The following MBOAT2 variants were observed in gnomAD, a reference collection of about 807,000 sequenced individuals.
MBOAT2 encodes the protein membrane-bound glycerophospholipid O-acyltransferase 2.
A neutral mutation model predicts 63.4 loss-of-function variants in MBOAT2; 28 were observed. That is an observed-to-expected ratio of 0.44 (90% confidence interval 0.33 to 0.61). MBOAT2 has a LOEUF of 0.61. MBOAT2 is among the 20% of genes least tolerant of loss of function. The pLI is 0.03. For missense variants in MBOAT2, 470 were observed against 605.8 expected (o/e 0.78, Z 2.35); for synonymous variants, 211 against 215.6 (o/e 0.98, Z 0.19).
At chr2:8,991,192 A>G (rs924834418) in intron 1 of MBOAT2, among the ~76,000 whole-genome samples, 4 of 152,192 alleles carry the variant, frequency 2.6e-5, no homozygotes, top group Non-Finnish European at 4.4e-5. Context: ...AAAAATCAAT[A>G]TACACTTTCT....
At chr2:8,937,936 T>A (rs1667778481) in intron 3 of MBOAT2, among the ~76,000 whole-genome samples, 1 of 152,024 alleles carries the variant, frequency 6.6e-6, no homozygotes, top group African/African-American at 2.4e-5. Flanking sequence ...ACAAGCAAGA[T>A]CACGTCAAAC....
At chr2:8,981,715 A>C (rs950640460) in intron 1 of MBOAT2, among the ~76,000 whole-genome samples, 5 of 152,150 alleles carry the variant, frequency 3.3e-5, no homozygotes, top group Non-Finnish European at 7.4e-5. Context: ...AGGGAGACAG[A>C]GATGAAGAAC....
intron 2 of MBOAT2, among the ~76,000 whole-genome samples, chr2:8,951,987 G>A (rs567316115): frequency 3.3e-5 from 5 of 152,128 alleles, no homozygotes; most frequent in African/African-American, 1.2e-4. Flanking sequence ...GTTTGTTCTC[G>A]TTTTTCTAGT....
rs75108356 is a variant in MBOAT2, at chr2:8,984,043, T to C, written c.75+19497A>G. 7.4e-3 allele frequency among the ~76,000 whole-genome samples: 1,123 copies of C among 152,326 alleles called. 13 individuals carry two copies. The highest frequency in any genetic ancestry group is 0.02 in the South Asian group (97 of 4,826). Reference sequence around the variant, plus strand: ...TAAGAACTATGAATAGAATATTATTTAGCTTTTACAAGGAAAGAAATTCTG... The same window carrying C: ...TAAGAACTATGAATAGAATATTATTCAGCTTTTACAAGGAAAGAAATTCTG... On this transcript the variant is annotated intron_variant, in intron 1 of 12. Coordinates refer to ENST00000305997, the MANE Select transcript of MBOAT2 (RefSeq NM_138799.4).
At chr2:8,981,948 G>C (rs1029265100) in intron 1 of MBOAT2, among the ~76,000 whole-genome samples, 1 of 152,070 alleles carries the variant, frequency 6.6e-6, no homozygotes, top group Admixed American at 6.6e-5. Flanking sequence ...AAAACTCAAT[G>C]GTTAATGAAG....
intron 4 of MBOAT2, among the ~76,000 whole-genome samples, chr2:8,895,032 C>A (rs1308593401): frequency 6.6e-6 from 1 of 152,222 alleles, no homozygotes; most frequent in Non-Finnish European, 1.5e-5. Flanking sequence ...AAGCTGCAGA[C>A]CTTCATGGTG....
chr2:8,899,262 C>A (rs1664727614), intron 4 of MBOAT2, among the ~76,000 whole-genome samples: 1 of 152,192 alleles, frequency 6.6e-6, no homozygotes, highest in South Asian at 2.1e-4. Context: ...ATATATCCCT[C>A]CCTAATAAGG....
At chr2:8,963,371 T>C (rs904650658) in intron 1 of MBOAT2, among the ~76,000 whole-genome samples, 1 of 152,174 alleles carries the variant, frequency 6.6e-6, no homozygotes. Flanking sequence ...TGGCACGATC[T>C]CAGCTCACTG....
chr2:8,912,299 A>AAAAGAAAGAAAGAAAGAAAG (rs35633754), intron 3 of MBOAT2, among the ~76,000 whole-genome samples: 52 of 46,878 alleles, frequency 1.1e-3, no homozygotes, highest in East Asian at 2.8e-3. Flanking sequence ...GAAAAGAAAG[A>AAAAGAAAGAAAGAAAGAAAG]AAAGAAAGAA....
intron 1 of MBOAT2, among the ~76,000 whole-genome samples, chr2:8,989,930 C>T (rs1671810664): frequency 6.6e-6 from 1 of 152,198 alleles, no homozygotes; most frequent in Non-Finnish European, 1.5e-5. Flanking sequence ...GTACTCATTA[C>T]ACACTACACT....
chr2:8,968,748 C>T (rs561580717), intron 1 of MBOAT2, among the ~76,000 whole-genome samples: 3 of 152,132 alleles, frequency 2.0e-5, no homozygotes, highest in African/African-American at 7.2e-5. Context: ...GCTTCAGTAG[C>T]CAATTCGAAC....
chr2:8,919,221 A>C (rs980543315), intron 3 of MBOAT2, among the ~76,000 whole-genome samples: 5 of 152,368 alleles, frequency 3.3e-5, no homozygotes, highest in East Asian at 1.9e-4. Context: ...ATGTGGACAT[A>C]CGTTTTCACC....
rs144403582 is a variant in MBOAT2, at chr2:8,982,361, AAACTT to A, written c.75+21174_75+21178del. On this transcript the variant is annotated intron_variant, in intron 1 of 12. Coordinates refer to ENST00000305997, the MANE Select transcript of MBOAT2 (RefSeq NM_138799.4). ...TTATTCTTAAGGTATGTTAGAAACT[AAACTT>A]AACAATGATAAACACAACAGCCAGA... Among the ~76,000 whole-genome samples the A allele has an allele frequency of 6.1e-3, 925 of 152,304 alleles. 16 individuals carry two copies. The highest frequency in any genetic ancestry group is 0.021 in the African/African-American group (887 of 41,568).
intron 2 of MBOAT2, among the ~76,000 whole-genome samples, chr2:8,955,950 A>T (rs1669185874): frequency 1.3e-5 from 2 of 152,226 alleles, no homozygotes; most frequent in Admixed American, 1.3e-4. Flanking sequence ...TTTTTTTACC[A>T]ATAAAAAATT....
intron 3 of MBOAT2, among the ~76,000 whole-genome samples, chr2:8,912,251 A>AAGAC (rs1338569938): frequency 6.6e-6 from 1 of 151,096 alleles, no homozygotes; most frequent in African/African-American, 2.4e-5. Flanking sequence ...ATCAATAAGA[A>AAGAC]AGACAGACAG....
intron 4 of MBOAT2, among the ~76,000 whole-genome samples, chr2:8,892,742 G>A (rs575407038): frequency 3.9e-5 from 6 of 152,260 alleles, no homozygotes; most frequent in African/African-American, 1.2e-4. Flanking sequence ...TGAAATAGAG[G>A]ACAAGCTCTG....
chr2:8,887,464 A>G (rs1314175000), intron 5 of MBOAT2, among the ~76,000 whole-genome samples: 1 of 152,222 alleles, frequency 6.6e-6, no homozygotes, highest in Non-Finnish European at 1.5e-5. Flanking sequence ...AAAGCTCCGC[A>G]GGCTACATAC....
intron 9 of MBOAT2, 47 bp from the exon 10 acceptor site, chr2:8,864,281 C>A: frequency 8.8e-7 from 1 of 1,131,506 alleles, no homozygotes. Flanking sequence ...AATAATGAAG[C>A]TTTAAATATA....
chr2:8,950,149 G>C (rs1668726392), intron 2 of MBOAT2, among the ~76,000 whole-genome samples: 1 of 152,012 alleles, frequency 6.6e-6, no homozygotes, highest in South Asian at 2.1e-4. Flanking sequence ...AAATGCTGCT[G>C]ATTTCTATAC....
Sources: gnomAD v4.1 joint callset for allele counts (sites outside exome capture counted in the v4.1 genomes callset) on GRCh38, gnomAD v4.1.1 for gene constraint, MANE v1.5 for transcripts, NCBI Gene and HGNC (gene_info 2026-07-23, HGNC 2026-07-21) for gene names.